The following FAM13A variants were observed in gnomAD, a reference collection of about 807,000 sequenced individuals.
The protein encoded by FAM13A is family with sequence similarity 13 member A, also known as protein FAM13A.
In FAM13A, 76 loss-of-function variants were observed where a neutral mutation model predicts 129.6. The observed-to-expected ratio is 0.59, with a 90% CI of 0.49 to 0.71. The LOEUF (loss-of-function observed/expected upper bound fraction) is 0.71. FAM13A is among the 30% of genes least tolerant of loss of function. The probability of loss-of-function intolerance (pLI) is 0.00; values close to 1 mark genes in which losing one functional copy is unlikely to be tolerated. For synonymous variants in FAM13A, 443 were observed against 449.9 expected, an observed-to-expected ratio of 0.98 and a Z score of 0.20; for missense variants, 1,108 against 1,249.3, an observed-to-expected ratio of 0.89 and a Z score of 1.70.
At chr4:88,885,662 C>T (rs1744284402) in intron 6 of FAM13A, among the ~76,000 whole-genome samples, 1 of 152,020 alleles carries the variant, frequency 6.6e-6, no homozygotes, top group African/African-American at 2.4e-5. Context: ...ATAGATGGGA[C>T]CTAATTATAC....
intron 1 of FAM13A, among the ~76,000 whole-genome samples, chr4:89,052,892 G>C (rs1560970931): frequency 6.6e-6 from 1 of 152,130 alleles, no homozygotes. Context: ...AACCAAGGGG[G>C]AGGAAACTGC....
At chr4:88,786,722 AG>A (rs1724038574) in intron 10 of FAM13A, among the ~76,000 whole-genome samples, 1 of 151,764 alleles carries the variant, frequency 6.6e-6, no homozygotes, top group African/African-American at 2.4e-5. Context: ...CATCTCGGTG[AG>A]GTATAGCATG....
chr4:88,817,091 T>G (rs926235979), intron 7 of FAM13A, among the ~76,000 whole-genome samples: 40 of 152,242 alleles, frequency 2.6e-4, no homozygotes, highest in African/African-American at 9.4e-4. Context: ...CATGGATGAA[T>G]CTTGAAAACA....
chr4:88,752,595 G>A (rs1264976900), intron 14 of FAM13A, among the ~76,000 whole-genome samples: 1 of 152,152 alleles, frequency 6.6e-6, no homozygotes, highest in African/African-American at 2.4e-5. Flanking sequence ...AGATGTGCCT[G>A]GCTAAAGCTG....
At chr4:88,833,799 T>C (rs1037373543) in intron 7 of FAM13A, among the ~76,000 whole-genome samples, 51 of 152,150 alleles carry the variant, frequency 3.4e-4, no homozygotes, top group Middle Eastern at 6.8e-3. Context: ...GGGAGGAGAA[T>C]CGCTTGAACC....
chr4:88,868,544 G>T (rs2150066716), intron 6 of FAM13A, among the ~76,000 whole-genome samples: 2 of 152,222 alleles, frequency 1.3e-5, no homozygotes, highest in South Asian at 4.1e-4. Context: ...CTTATCTCCA[G>T]ATTAAAACTG....
At chr4:88,894,020 T>C (rs115592798) in intron 6 of FAM13A, among the ~76,000 whole-genome samples, 3,565 of 152,268 alleles carry the variant, frequency 0.023, 154 homozygotes, top group African/African-American at 0.081. Context: ...AATAGCAAGA[T>C]GCATCTTATA....
chr4:88,945,990 G>GTATATATATATATATATATATATATA (rs199936059), intron 4 of FAM13A, among the ~76,000 whole-genome samples: 4 of 61,958 alleles, frequency 6.5e-5, no homozygotes, highest in East Asian at 3.4e-4. Flanking sequence ...GTGTGTGTGT[G>GTATATATATATATATATATATATATA]TATATATATA....
chr4:88,928,681 A>G (rs1752579041), intron 5 of FAM13A, among the ~76,000 whole-genome samples: 1 of 144,994 alleles, frequency 6.9e-6, no homozygotes, highest in African/African-American at 2.6e-5. Context: ...CTTTCAGCCT[A>G]TGTGTCTTTT....
chr4:89,016,178 T>C (rs1766457959), intron 3 of FAM13A, among the ~76,000 whole-genome samples: 1 of 132,050 alleles, frequency 7.6e-6, no homozygotes, highest in East Asian at 2.5e-4. Flanking sequence ...TCTGTGCTTA[T>C]GCCTTAGTTT....
chr4:88,751,134 G>A (rs1183318409), intron 14 of FAM13A, among the ~76,000 whole-genome samples: 2 of 152,096 alleles, frequency 1.3e-5, no homozygotes, highest in East Asian at 3.9e-4. Context: ...CCCAGCTACT[G>A]GGGAGGCTGA....
intron 5 of FAM13A, among the ~76,000 whole-genome samples, chr4:88,924,175 A>C (rs28793313): frequency 6.6e-6 from 1 of 152,128 alleles, no homozygotes; most frequent in Non-Finnish European, 1.5e-5. Context: ...GCTACCAATG[A>C]CTTTCTTCAC....
At chr4:88,922,639 G>T (rs902417122) in intron 5 of FAM13A, among the ~76,000 whole-genome samples, 2 of 152,058 alleles carry the variant, frequency 1.3e-5, no homozygotes, top group Non-Finnish European at 2.9e-5. Flanking sequence ...ACAATTAAAA[G>T]AACTAGAAAA....
chr4:88,898,850 A>T (rs1746779790), intron 6 of FAM13A, among the ~76,000 whole-genome samples: 1 of 152,114 alleles, frequency 6.6e-6, no homozygotes, highest in South Asian at 2.1e-4. Context: ...ACCACTATGG[A>T]AAACAGTGTG....
chr4:88,946,380 G>A (rs1392621313), intron 4 of FAM13A, among the ~76,000 whole-genome samples: 1 of 144,040 alleles, frequency 6.9e-6, no homozygotes, highest in Non-Finnish European at 1.5e-5. Context: ...GCCTTGCTGA[G>A]AGATCATTTG....
chr4:88,971,270 T>C lies in FAM13A; in HGVS notation c.605+19703A>G, dbSNP rs1231558124. Reference sequence around the variant, plus strand: ...GTCATCAAAGGGAAAATTTAGTTAATAGAAGGCTACCTTGTATTAGGGCTT... The same window carrying C: ...GTCATCAAAGGGAAAATTTAGTTAACAGAAGGCTACCTTGTATTAGGGCTT... On this transcript the variant is annotated intron_variant, in intron 4 of 23. Transcript: ENST00000264344. 5.9e-5 allele frequency among the ~76,000 whole-genome samples: 9 copies of C among 152,274 alleles called. 1 individual carries two copies. In the South Asian group the frequency reaches 1.2e-3, roughly 21 times the overall value.
chr4:88,915,165 C>T (rs1011422592), intron 5 of FAM13A, among the ~76,000 whole-genome samples: 1 of 152,194 alleles, frequency 6.6e-6, no homozygotes, highest in Non-Finnish European at 1.5e-5. Context: ...GGGTCCAATA[C>T]ATATGACTGG....
At chr4:88,784,139 A>G (rs1723507198) in intron 10 of FAM13A, among the ~76,000 whole-genome samples, 1 of 152,212 alleles carries the variant, frequency 6.6e-6, no homozygotes, top group Non-Finnish European at 1.5e-5. Context: ...TGTTGTGCTC[A>G]TGGACAAATC....
intron 3 of FAM13A, among the ~76,000 whole-genome samples, chr4:89,020,104 T>C (rs1325354141): frequency 2.0e-5 from 3 of 152,152 alleles, no homozygotes; most frequent in Non-Finnish European, 4.4e-5. Context: ...TATCAGAAAT[T>C]TCATTTAATA....
Sources: allele counts gnomAD v4.1 joint callset (sites outside exome capture counted in the v4.1 genomes callset), GRCh38; gene constraint gnomAD v4.1.1; transcripts MANE v1.5; gene names NCBI Gene and HGNC (gene_info 2026-07-23, HGNC 2026-07-21).